RUFY2: variants seen among roughly 807,000 people sequenced by gnomAD.
RUFY2 encodes the protein RUN and FYVE domain containing 2, also known as RUN and FYVE domain-containing protein 2.
Under a neutral mutation model 94.4 loss-of-function variants are expected in RUFY2, and 49 were observed. That is an observed-to-expected ratio of 0.52 (90% CI 0.41 to 0.66). The LOEUF (loss-of-function observed/expected upper bound fraction) is 0.66. RUFY2 is among the 30% of genes least tolerant of loss of function. The pLI is 0.00. For synonymous variants in RUFY2, 255 were observed against 235.7 expected, an observed-to-expected ratio of 1.08 and a Z score of -0.75; for missense variants, 541 against 692.8, an observed-to-expected ratio of 0.78 and a Z score of 2.46.
At chr10:68,341,477 G>A (rs2045934643), downstream of RUFY2, 7 of 1,000,288 alleles carry the variant, frequency 7.0e-6, no homozygotes, top group South Asian at 1.1e-4. Context: ...TAATTAATAA[G>A]CATACTTTGT....
At chr10:68,382,101 T>G (rs1026370743) in intron 10 of RUFY2, among the ~76,000 whole-genome samples, 2 of 150,712 alleles carry the variant, frequency 1.3e-5, no homozygotes, top group Non-Finnish European at 3.0e-5. Context: ...CAGGCTGGAG[T>G]GCAGTGGCAC....
intron 13 of RUFY2, among the ~76,000 whole-genome samples, chr10:68,370,789 T>C (rs2048213561): frequency 6.6e-6 from 1 of 151,316 alleles, no homozygotes; most frequent in Non-Finnish European, 1.5e-5. Flanking sequence ...AATTTGAAAA[T>C]ATAACAACAG....
chr10:68,361,982 G>C (rs2047488634), intron 15 of RUFY2, among the ~76,000 whole-genome samples: 1 of 152,158 alleles, frequency 6.6e-6, no homozygotes. Flanking sequence ...ATTTATACAG[G>C]TGAAGAGATT....
At chr10:68,396,269 C>T (rs1231822678) in intron 4 of RUFY2, among the ~76,000 whole-genome samples, 2 of 152,030 alleles carry the variant, frequency 1.3e-5, no homozygotes, top group Admixed American at 1.3e-4. Context: ...GGATTACAGG[C>T]GTGAGCCACC....
At chr10:68,348,893 G>C (rs1471957185) in intron 16 of RUFY2, among the ~76,000 whole-genome samples, 1 of 152,132 alleles carries the variant, frequency 6.6e-6, no homozygotes, top group South Asian at 2.1e-4. Flanking sequence ...GCTAAGACTA[G>C]AACGGAACAA....
chr10:68,379,372 G>T, intron 12 of RUFY2, 52 bp downstream of exon 12: 1 of 1,310,718 alleles, frequency 7.6e-7, no homozygotes, highest in Non-Finnish European at 1.0e-6. Flanking sequence ...ACTGAATAAA[G>T]AAAAAGGGAA....
intron 6 of RUFY2, 28 bp from the exon 7 acceptor site, chr10:68,393,231 CT>C (rs1413186623): frequency 5.2e-6 from 7 of 1,334,370 alleles, no homozygotes; most frequent in Non-Finnish European, 7.3e-6. Context: ...TAGCTTTGTG[CT>C]AGTTGAAAAG....
At position 68,345,807 on chromosome 10, in the gene RUFY2, A is replaced by ATG. The variant is rs1564768728; in HGVS notation, c.1780_1781dup (p.Ala595MetfsTer23). ...ATGAGCATCTCTGAATGAGCAGTGC[A>ATG]TGACAGGAATCACAAACCCGTACTG... On this transcript the variant is annotated frameshift_variant, in exon 18 of 18. Transcript: ENST00000602465. LOFTEE classifies it high-confidence loss of function. 6.2e-7 allele frequency: 1 copy of ATG among 1,614,046 alleles called. No individual in the cohort carries two copies.
chr10:68,396,707 T>A, intron 4 of RUFY2, 73 bp downstream of exon 4: 2 of 947,882 alleles, frequency 2.1e-6, no homozygotes. Context: ...TCATATTACA[T>A]CTTAAATCCT....
chr10:68,359,477 A>T (rs1276262737), intron 15 of RUFY2, among the ~76,000 whole-genome samples: 1 of 142,762 alleles, frequency 7.0e-6, no homozygotes, highest in Admixed American at 7.2e-5. Context: ...ACTATATATA[A>T]AAATATATAT....
Position 68,346,090 on chromosome 10 carries a change from A to G in RUFY2, c.1600-6T>C, listed in dbSNP as rs1475770983. 1 of 1,603,638 alleles carries G rather than the reference A, an allele frequency of 6.2e-7. No homozygotes were observed. On this transcript the variant is annotated splice_region_variant and splice_polypyrimidine_tract_variant and intron_variant, in intron 16 of 17. Transcript: ENST00000602465. ...TCTTTCAGCCAAACCAGTCCCTAGT[A>G]GGAAGAAAATATTAATGCTCAAATT...
At chr10:68,372,336 G>T (rs1051389099) in intron 13 of RUFY2, among the ~76,000 whole-genome samples, 1 of 152,036 alleles carries the variant, frequency 6.6e-6, no homozygotes, top group African/African-American at 2.4e-5. Context: ...TGAGTTCAAA[G>T]CTGCAATGAG....
intron 7 of RUFY2, among the ~76,000 whole-genome samples, chr10:68,392,749 C>T (rs2050094430): frequency 1.4e-5 from 2 of 146,800 alleles, no homozygotes; most frequent in African/African-American, 2.6e-5. Context: ...GGTGAAACCC[C>T]GTCTCTACTA....
chr10:68,376,771 T>C, intron 13 of RUFY2, 82 bp downstream of exon 13: 3 of 1,322,520 alleles, frequency 2.3e-6, no homozygotes, highest in Non-Finnish European at 3.2e-6. Context: ...TAAATAAAAA[T>C]ATTGGTATTC....
At chr10:68,390,593 T>C (rs1564838099) in intron 7 of RUFY2, among the ~76,000 whole-genome samples, 1 of 151,866 alleles carries the variant, frequency 6.6e-6, no homozygotes, top group Non-Finnish European at 1.5e-5. Context: ...TTGTAGACAG[T>C]GCCAAAAAAA....
chr10:68,354,698 C>T (rs908466010), intron 16 of RUFY2, among the ~76,000 whole-genome samples: 1 of 152,150 alleles, frequency 6.6e-6, no homozygotes, highest in Admixed American at 6.5e-5. Context: ...GAAGCTGAGG[C>T]TCAATGAGGA....
At position 68,403,397 on chromosome 10, in the gene RUFY2, G is replaced by C. The variant is rs151101577; in HGVS notation, c.178+1274C>G. Among the ~76,000 whole-genome samples the C allele has an allele frequency of 1.7e-3, 258 of 151,568 alleles. 1 individual carries two copies. Among genetic ancestry groups the C allele is most frequent in the African/African-American group, 5.9e-3 (242 of 41,304 alleles). On this transcript the variant is annotated intron_variant, in intron 2 of 17. Coordinates refer to ENST00000602465, the MANE Select transcript of RUFY2 (RefSeq NM_001330103.2). The stretch of plus-strand genomic sequence containing the variant: ...CTCCTGAGTAGCTGGGATTACAGGC[G>C]AACACCACCAGCCTGGCTAATTTTT...
rs1375330483 is a variant in RUFY2 at position 68,363,662 on chromosome 10, T to C, written c.1478A>G (p.Glu493Gly). The C allele has an allele frequency of 6.2e-7, 1 of 1,605,370 alleles. No homozygotes were observed. Among genetic ancestry groups the C allele is most frequent in the Non-Finnish European group, 8.5e-7 (1 of 1,176,474 alleles). ...LKKEFLNLQD[E>G]NQQLKKIYHE... is the part of the protein sequence containing the mutation. ...ATATATTTTTTTCAACTGCTGATTT[T>C]CATCCTGGAGGTTAAGGAACTCCTT... Residue 493 changes from glutamate to glycine, a missense_variant, in exon 15 of 18, where the codon GAA becomes GGA. Transcript: ENST00000602465.
At chr10:68,377,969 T>C (rs1000529353) in intron 12 of RUFY2, 4 of 985,260 alleles carry the variant, frequency 4.1e-6, no homozygotes, top group Non-Finnish European at 4.8e-6. Context: ...CAAGTTTAAA[T>C]TAAAATATTC....
Sources: gnomAD v4.1 joint callset for allele counts (sites outside exome capture counted in the v4.1 genomes callset) on GRCh38, gnomAD v4.1.1 for gene constraint, MANE v1.5 for transcripts, NCBI Gene and HGNC (gene_info 2026-07-23, HGNC 2026-07-21) for gene names.